SGCZ: variants seen among roughly 807,000 people sequenced by gnomAD.
SGCZ encodes the protein zeta-sarcoglycan.
In SGCZ, 40 loss-of-function variants were observed where a neutral mutation model predicts 41.3. The observed-to-expected ratio is 0.97, with a 90% CI of 0.75 to 1.26. SGCZ has a LOEUF of 1.26. SGCZ is among the 50% of genes most tolerant of loss of function. The probability of loss-of-function intolerance (pLI) is 0.00; values close to 1 mark genes in which losing one functional copy is unlikely to be tolerated. For missense variants in SGCZ, 552 were observed against 369.8 expected (o/e 1.49, Z -4.04); for synonymous variants, 206 against 137.5 (o/e 1.50, Z -3.49).
intron 1 of SGCZ, among the ~76,000 whole-genome samples, chr8:14,739,465 T>A (rs1346838846): frequency 2.6e-5 from 4 of 152,056 alleles, no homozygotes; most frequent in Admixed American, 2.6e-4. Flanking sequence ...AGATTAGTTA[T>A]CCAGATTACC....
chr8:15,215,143 T>C (rs1271013296), intron 1 of SGCZ, among the ~76,000 whole-genome samples: 1 of 152,334 alleles, frequency 6.6e-6, no homozygotes, highest in African/African-American at 2.4e-5. Flanking sequence ...TTAGTTTATA[T>C]GCCTCTTAGT....
chr8:14,721,942 A>G (rs1809899540), intron 1 of SGCZ, among the ~76,000 whole-genome samples: 1 of 152,094 alleles, frequency 6.6e-6, no homozygotes, highest in Admixed American at 6.6e-5. Flanking sequence ...ACACCTTAGG[A>G]GTATTTTTCT....
intron 2 of SGCZ, among the ~76,000 whole-genome samples, chr8:14,431,911 A>G (rs1799952913): frequency 6.6e-6 from 1 of 152,226 alleles, no homozygotes; most frequent in Admixed American, 6.5e-5. Flanking sequence ...ACCAATGGCC[A>G]ACAAACATAT....
chr8:15,111,635 T>A (rs572762362), intron 1 of SGCZ, among the ~76,000 whole-genome samples: 1 of 152,074 alleles, frequency 6.6e-6, no homozygotes, highest in African/African-American at 2.4e-5. Context: ...GGTGTGGTGG[T>A]TCACGCCTGT....
chr8:14,090,662 T>C (rs1801663247), intron 7 of SGCZ, 25 bp from the exon 8 acceptor site: 6 of 1,596,688 alleles, frequency 3.8e-6, no homozygotes, highest in Non-Finnish European at 5.1e-6. Context: ...AAATTGCATT[T>C]TAATTCATTT....
chr8:14,717,791 G>A (rs1435237686), intron 1 of SGCZ, among the ~76,000 whole-genome samples: 1 of 152,078 alleles, frequency 6.6e-6, no homozygotes, highest in African/African-American at 2.4e-5. Flanking sequence ...GTGAAAAAGG[G>A]ATAACTTACA....
In SGCZ at chr8:14,968,528, A is replaced by T. The variant is rs140584490; in HGVS notation, c.39+269057T>A. Among the ~76,000 whole-genome samples, 726 of 152,250 alleles carry T rather than the reference A, an allele frequency of 4.8e-3. 3 individuals are homozygous for T. Among genetic ancestry groups the T allele is most frequent in the African/African-American group, 0.016 (683 of 41,576 alleles). On this transcript the variant is annotated intron_variant, in intron 1 of 7. Coordinates refer to ENST00000382080, the MANE Select transcript of SGCZ (RefSeq NM_139167.4). Reference sequence around the variant, plus strand: ...AAATAGCATACTCCATTTTCTTAAGATATTAAAAATCTAAAGGGCAAGATA... The same window carrying T: ...AAATAGCATACTCCATTTTCTTAAGTTATTAAAAATCTAAAGGGCAAGATA...
intron 2 of SGCZ, among the ~76,000 whole-genome samples, chr8:14,393,478 G>T (rs912002796): frequency 2.6e-5 from 4 of 151,930 alleles, no homozygotes; most frequent in African/African-American, 7.3e-5. Context: ...ATTACGGTGG[G>T]GCGACCAACC....
intron 1 of SGCZ, among the ~76,000 whole-genome samples, chr8:14,739,748 C>T (rs544081397): frequency 2.9e-4 from 44 of 152,038 alleles, no homozygotes; most frequent in Admixed American, 2.6e-4. Flanking sequence ...AGAGTCACAA[C>T]GTTAAAAGGA....
intron 2 of SGCZ, among the ~76,000 whole-genome samples, chr8:14,375,680 T>C (rs1273576614): frequency 6.6e-6 from 1 of 152,072 alleles, no homozygotes; most frequent in African/African-American, 2.4e-5. Flanking sequence ...CTGTGGAAAA[T>C]AACACCTCAT....
chr8:14,754,546 G>C (rs754214392), intron 1 of SGCZ, among the ~76,000 whole-genome samples: 2 of 152,064 alleles, frequency 1.3e-5, no homozygotes, highest in Admixed American at 6.6e-5. Flanking sequence ...TATATTATAG[G>C]AATCCAGAAT....
In SGCZ at chr8:14,170,375, A is replaced by T. The variant is rs934442930; in HGVS notation, c.425-5673T>A. Among the ~76,000 whole-genome samples the T allele has an allele frequency of 2.0e-5, 3 of 152,220 alleles. No homozygotes were observed. In the East Asian group the frequency reaches 5.8e-4, roughly 29 times the overall value. On this transcript the variant is annotated intron_variant, in intron 4 of 7. Transcript: ENST00000382080. Reference sequence around the variant, plus strand: ...CAAACCTGATCTTAATGGCATAAATATTATATTTCTAACACTTGTATTCTT... The same window carrying T: ...CAAACCTGATCTTAATGGCATAAATTTTATATTTCTAACACTTGTATTCTT...
chr8:14,166,755 C>A (rs1382141), intron 4 of SGCZ, among the ~76,000 whole-genome samples: 89,569 of 151,958 alleles, frequency 0.59, 27,236 homozygotes, highest in East Asian at 0.78. Flanking sequence ...TTAACATAAA[C>A]ATGCTATATT....
chr8:15,195,087 C>T (rs1800679476), intron 1 of SGCZ, among the ~76,000 whole-genome samples: 1 of 151,680 alleles, frequency 6.6e-6, no homozygotes, highest in Admixed American at 6.6e-5. Context: ...GTTCTTAAAT[C>T]AAGATTTAGT....
At chr8:14,281,577 A>C (rs928312327) in intron 3 of SGCZ, among the ~76,000 whole-genome samples, 6 of 152,042 alleles carry the variant, frequency 3.9e-5, no homozygotes, top group Non-Finnish European at 7.4e-5. Flanking sequence ...CAATTTATAG[A>C]CCATCTAGTG....
intron 1 of SGCZ, among the ~76,000 whole-genome samples, chr8:14,666,946 T>C (rs1807930323): frequency 6.6e-6 from 1 of 151,960 alleles, no homozygotes; most frequent in African/African-American, 2.4e-5. Flanking sequence ...AACACACACA[T>C]ATATATGCAC....
chr8:14,478,657 T>C (rs1801432646), intron 2 of SGCZ, among the ~76,000 whole-genome samples: 1 of 140,544 alleles, frequency 7.1e-6, no homozygotes, highest in South Asian at 2.1e-4. Context: ...TAAAATAGAG[T>C]AACTAAGAGG....
At chr8:14,220,765 C>A (rs577761827) in intron 4 of SGCZ, among the ~76,000 whole-genome samples, 1 of 143,146 alleles carries the variant, frequency 7.0e-6, no homozygotes, top group East Asian at 2.1e-4. Flanking sequence ...CCAGCCTGGG[C>A]GACAGAGGGA....
rs556303405 is a variant in SGCZ at position 14,888,228 on chromosome 8, G to T, written c.40-333302C>A. ...TGACCTTTATCCTTAAATGACAAAAGATGGCTAAGATTGCAGGGCACCGTC... is the reference window on the plus strand; with the variant it reads ...TGACCTTTATCCTTAAATGACAAAATATGGCTAAGATTGCAGGGCACCGTC... On this transcript the variant is annotated intron_variant, in intron 1 of 7. Coordinates refer to ENST00000382080, the MANE Select transcript of SGCZ (RefSeq NM_139167.4). Among the ~76,000 whole-genome samples the T allele has an allele frequency of 7.9e-5, 12 of 152,250 alleles. No homozygotes were observed. In the East Asian group the frequency reaches 2.1e-3, roughly 27 times the overall value.
Sources: allele counts gnomAD v4.1 joint callset (sites outside exome capture counted in the v4.1 genomes callset), GRCh38; gene constraint gnomAD v4.1.1; transcripts MANE v1.5; gene names NCBI Gene and HGNC (gene_info 2026-07-23, HGNC 2026-07-21).